UBE4A: variants seen among roughly 807,000 people sequenced by gnomAD.
UBE4A encodes the protein ubiquitin conjugation factor E4 A.
In UBE4A, 48 loss-of-function variants were observed where a neutral mutation model predicts 117.9. The observed-to-expected ratio is 0.41, with a 90% CI of 0.32 to 0.52. The LOEUF is 0.52. Ranked by LOEUF, UBE4A falls within the 20% of genes least tolerant of loss-of-function variation. UBE4A has a pLI of 0.33. For synonymous variants in UBE4A, 407 were observed against 450.0 expected, an observed-to-expected ratio of 0.90 and a Z score of 1.21; for missense variants, 1,067 against 1,296.3, an observed-to-expected ratio of 0.82 and a Z score of 2.72.
At chr11:118,385,487 C>T (rs1948747894) in intron 15 of UBE4A, among the ~76,000 whole-genome samples, 1 of 152,196 alleles carries the variant, frequency 6.6e-6, no homozygotes, top group African/African-American at 2.4e-5. Context: ...AAATTCTTAG[C>T]TATATGGTGA....
Position 118,396,233 on chromosome 11 carries a change from G to A in UBE4A, c.3075-81G>A, listed in dbSNP as rs564883201. ...CACTCTGGCTTCATTCTTAAGATGC[G>A]ACGCCCAGGTGTTCTGTTTTTGGCT... On this transcript the variant is annotated intron_variant, in intron 19 of 19. Coordinates refer to ENST00000252108, the MANE Select transcript of UBE4A (RefSeq NM_001204077.2). 2.2e-3 allele frequency: 3,351 copies of A among 1,514,332 alleles called. 3 individuals are homozygous for A. Among genetic ancestry groups the A allele is most frequent in the Non-Finnish European group, 2.7e-3 (3,068 of 1,134,100 alleles). The allele number at this position is 1,514,332 out of a possible 1,614,324, so 93.8% of individuals were successfully genotyped here. A position where few individuals can be genotyped will look rare whatever the true frequency, so the allele number is the denominator to read the frequency against.
chr11:118,392,660 A>G, intron 18 of UBE4A, 78 bp from the exon 19 acceptor site: 1 of 1,378,084 alleles, frequency 7.3e-7, no homozygotes, highest in Non-Finnish European at 9.9e-7. Context: ...TTTGAGATGG[A>G]GTCTTGCTCT....
At chr11:118,394,541 C>T (rs1948850463) in intron 19 of UBE4A, among the ~76,000 whole-genome samples, 1 of 152,110 alleles carries the variant, frequency 6.6e-6, no homozygotes, top group Non-Finnish European at 1.5e-5. Flanking sequence ...GAGGCTGAAG[C>T]AGGTGGATCA....
At chr11:118,386,079 G>A (rs1237969326) in intron 15 of UBE4A, among the ~76,000 whole-genome samples, 1 of 152,092 alleles carries the variant, frequency 6.6e-6, no homozygotes, top group Non-Finnish European at 1.5e-5. Context: ...CATCTTTCAG[G>A]AAGGATTCAT....
intron 19 of UBE4A, 133 bp downstream of exon 19, chr11:118,393,028 G>A: frequency 1.0e-6 from 1 of 952,850 alleles, no homozygotes; most frequent in South Asian, 1.9e-5. Flanking sequence ...TATGTTGGAA[G>A]ACATTTTGGT....
chr11:118,366,038 A>G (rs913881150), intron 2 of UBE4A, among the ~76,000 whole-genome samples: 5 of 148,962 alleles, frequency 3.4e-5, no homozygotes, highest in Admixed American at 1.4e-4. Flanking sequence ...AAGTGTTTGC[A>G]TTTTCCCTTT....
At chr11:118,385,056 C>T (rs1302438957) in intron 15 of UBE4A, 111 bp downstream of exon 15, 6 of 966,870 alleles carry the variant, frequency 6.2e-6, no homozygotes, top group Non-Finnish European at 9.1e-6. Context: ...GCCCCTAGTA[C>T]CAGACTTGAA....
rs782590455 is a variant in UBE4A, at chr11:118,392,726, T to C, written c.2917-12T>C. The C allele has an allele frequency of 1.9e-6, 3 of 1,612,528 alleles. No homozygotes were observed. The highest frequency in any genetic ancestry group is 1.3e-5 in the African/African-American group (1 of 74,976). ...GTGAATTCACTTTAACTACCAGATG[T>C]TGTATACTCAGTCTCTTGCAGACCT... On this transcript the variant is annotated splice_polypyrimidine_tract_variant and intron_variant, in intron 18 of 19. Coordinates refer to ENST00000252108, the MANE Select transcript of UBE4A (RefSeq NM_001204077.2).
intron 1 of UBE4A, among the ~76,000 whole-genome samples, chr11:118,364,293 T>C (rs1948545647): frequency 6.6e-6 from 1 of 152,098 alleles, no homozygotes; most frequent in Non-Finnish European, 1.5e-5. Flanking sequence ...CTATATTTCA[T>C]ATTACACAGT....
intron 7 of UBE4A, 103 bp downstream of exon 7, chr11:118,373,391 G>T: frequency 6.6e-7 from 1 of 1,524,086 alleles, no homozygotes; most frequent in South Asian, 1.3e-5. Context: ...ATAAGAAAAA[G>T]ATAGCTTGGT....
chr11:118,393,720 C>T (rs1007776243), intron 19 of UBE4A, among the ~76,000 whole-genome samples: 1 of 151,892 alleles, frequency 6.6e-6, no homozygotes, highest in Non-Finnish European at 1.5e-5. Flanking sequence ...CTCAGCCTCC[C>T]GAATAGCTGA....
chr11:118,384,848 C>G lies in UBE4A; in HGVS notation c.2315C>G (p.Ala772Gly). 8.1e-6 allele frequency: 13 copies of G among 1,613,504 alleles called. No homozygotes were observed. Among genetic ancestry groups the G allele is most frequent in the Non-Finnish European group, 1.0e-5 (12 of 1,179,908 alleles). ...RESIKDLADYASKNLEAMNPP... is the reference protein window; with the variant it reads ...RESIKDLADYGSKNLEAMNPP... Reference sequence around the variant, plus strand: ...GACTTACAGGATTTGGCTGACTATGCCTCTAAGAATTTAGAAGCCATGAAT... The same window carrying G: ...GACTTACAGGATTTGGCTGACTATGGCTCTAAGAATTTAGAAGCCATGAAT... The change falls in exon 15 of 20, where the codon GCC (alanine) becomes GGC (glycine). Residue 772 changes from alanine (A) to glycine (G), a missense_variant. Coordinates refer to ENST00000252108, the MANE Select transcript of UBE4A (RefSeq NM_001204077.2).
Position 118,396,874 on chromosome 11 carries a change from T to C in UBE4A, c.*434T>C, listed in dbSNP as rs1555129881. On this transcript the variant is annotated 3_prime_UTR_variant, in exon 20 of 20. Transcript: ENST00000252108. ...CATATTTCAGTGACAGCTGATGTTA[T>C]CAGAAAAATCCTGTTATCCTGTGTA... 2.4e-5 allele frequency: 4 copies of C among 169,908 alleles called. No individual in the cohort carries two copies. The highest frequency in any genetic ancestry group is 2.5e-5 in the Non-Finnish European group (2 of 81,306). The allele number at this position is 169,908 out of a possible 1,614,324, so 10.5% of individuals were successfully genotyped here. A position where few individuals can be genotyped will look rare whatever the true frequency, so the allele number is the denominator to read the frequency against.
intron 16 of UBE4A, among the ~76,000 whole-genome samples, chr11:118,387,919 C>T (rs782587680): frequency 5.0e-4 from 76 of 152,166 alleles, no homozygotes; most frequent in Non-Finnish European, 9.1e-4. Context: ...AGCAAGCAGT[C>T]CAGGTTGGAG....
At chr11:118,368,178 C>A (rs1948580112) in intron 2 of UBE4A, among the ~76,000 whole-genome samples, 1 of 152,098 alleles carries the variant, frequency 6.6e-6, no homozygotes, top group African/African-American at 2.4e-5. Context: ...GAAAAAAATT[C>A]TTGAACACTG....
intron 13 of UBE4A, among the ~76,000 whole-genome samples, chr11:118,384,137 A>G (rs1948733100): frequency 6.6e-6 from 1 of 152,226 alleles, no homozygotes; most frequent in Non-Finnish European, 1.5e-5. Flanking sequence ...GAGCTCTAGT[A>G]ATACCTTTGG....
intron 1 of UBE4A, among the ~76,000 whole-genome samples, chr11:118,364,105 G>A (rs1948544135): frequency 6.6e-6 from 1 of 151,982 alleles, no homozygotes; most frequent in African/African-American, 2.4e-5. Flanking sequence ...ACCCTTTTCA[G>A]TGTTGTATTT....
At chr11:118,377,788 C>G (rs1353891330) in intron 10 of UBE4A, among the ~76,000 whole-genome samples, 1 of 151,160 alleles carries the variant, frequency 6.6e-6, no homozygotes, top group African/African-American at 2.4e-5. Context: ...TGGCGTGTGC[C>G]TGTAGTGTCA....
At chr11:118,380,134 C>CGTGTGTGTGT (rs55892936) in intron 11 of UBE4A, among the ~76,000 whole-genome samples, 8 of 136,938 alleles carry the variant, frequency 5.8e-5, no homozygotes, top group South Asian at 2.2e-4. Context: ...TGTGTGTGTG[C>CGTGTGTGTGT]GTGTGTGTGT....
Sources: gnomAD v4.1 joint callset for allele counts (sites outside exome capture counted in the v4.1 genomes callset) on GRCh38, gnomAD v4.1.1 for gene constraint, MANE v1.5 for transcripts, NCBI Gene and HGNC (gene_info 2026-07-23, HGNC 2026-07-21) for gene names.